KAT6B: variants seen among roughly 807,000 people sequenced by gnomAD.
KAT6B encodes lysine acetyltransferase 6B.
In KAT6B, 10 loss-of-function variants were observed where a neutral mutation model predicts 187.5. That is an observed-to-expected ratio of 0.05 (90% CI 0.03 to 0.09). KAT6B has a LOEUF of 0.09. Ranked by LOEUF, KAT6B falls within the 10% of genes least tolerant of loss-of-function variation. KAT6B has a pLI of 1.00. For missense variants in KAT6B, 1,952 were observed against 2,558.9 expected (o/e 0.76, Z 5.12); for synonymous variants, 861 against 926.8 (o/e 0.93, Z 1.29).
chr10:74,829,515 C>T (rs554462886), intron 1 of KAT6B, among the ~76,000 whole-genome samples: 17 of 151,404 alleles, frequency 1.1e-4, no homozygotes, highest in African/African-American at 3.2e-4. Context: ...TGCAGTGGCA[C>T]GATCTCGGCT....
chr10:75,019,834 C>T (rs1047475537), intron 13 of KAT6B, among the ~76,000 whole-genome samples: 2 of 149,594 alleles, frequency 1.3e-5, no homozygotes, highest in Non-Finnish European at 3.0e-5. Flanking sequence ...CTGTAAAATG[C>T]GTTCAAAAGC....
chr10:74,909,177 C>T (rs1332123130), intron 3 of KAT6B, among the ~76,000 whole-genome samples: 1 of 152,216 alleles, frequency 6.6e-6, no homozygotes, highest in Non-Finnish European at 1.5e-5. Context: ...TCGAGACTAG[C>T]CTTGCCACAA....
intron 13 of KAT6B, among the ~76,000 whole-genome samples, chr10:75,007,253 T>C (rs1394893695): frequency 6.6e-6 from 1 of 152,054 alleles, no homozygotes; most frequent in African/African-American, 2.4e-5. Context: ...GGAACCCAAG[T>C]CTAATCAATC....
At chr10:74,855,287 G>A (rs1842746617) in intron 3 of KAT6B, among the ~76,000 whole-genome samples, 1 of 152,200 alleles carries the variant, frequency 6.6e-6, no homozygotes, top group African/African-American at 2.4e-5. Flanking sequence ...AGAGCCAGAG[G>A]CAGAGCTTGA....
At chr10:74,895,290 G>A (rs777056687) in intron 3 of KAT6B, among the ~76,000 whole-genome samples, 1 of 151,718 alleles carries the variant, frequency 6.6e-6, no homozygotes, top group Non-Finnish European at 1.5e-5. Flanking sequence ...GGGTATTAAT[G>A]CCTTATCAGA....
At chr10:74,853,213 C>T (rs1842596995) in intron 3 of KAT6B, among the ~76,000 whole-genome samples, 1 of 148,308 alleles carries the variant, frequency 6.7e-6, no homozygotes, top group Non-Finnish European at 1.5e-5. Context: ...CTCCCGGGCT[C>T]AAGTGATCCT....
intron 3 of KAT6B, among the ~76,000 whole-genome samples, chr10:74,937,364 T>TA (rs1849343945): frequency 6.6e-6 from 1 of 152,214 alleles, no homozygotes. Flanking sequence ...ATCATCATAA[T>TA]AGTCTCTGAA....
chr10:75,027,831 A>G (rs945628404), intron 17 of KAT6B, among the ~76,000 whole-genome samples: 6 of 152,174 alleles, frequency 3.9e-5, no homozygotes, highest in African/African-American at 1.4e-4. Flanking sequence ...AATGTTCAGG[A>G]ATTTGCTAGT....
intron 13 of KAT6B, among the ~76,000 whole-genome samples, chr10:75,018,893 C>T (rs1845183889): frequency 6.6e-6 from 1 of 152,146 alleles, no homozygotes; most frequent in South Asian, 2.1e-4. Flanking sequence ...CCCAGGAGTA[C>T]AAAGCTGGGA....
chr10:74,970,684 T>A (rs1841789703), intron 6 of KAT6B, among the ~76,000 whole-genome samples: 1 of 152,208 alleles, frequency 6.6e-6, no homozygotes, highest in African/African-American at 2.4e-5. Context: ...AAAATAACTT[T>A]GCCTTTTTAT....
intron 3 of KAT6B, among the ~76,000 whole-genome samples, chr10:74,890,040 A>G (rs962102852): frequency 2.8e-5 from 4 of 144,112 alleles, no homozygotes; most frequent in South Asian, 2.2e-4. Context: ...TGGACATGTA[A>G]TTTTTTTTTT....
At chr10:74,912,827 C>T (rs1288625143) in intron 3 of KAT6B, among the ~76,000 whole-genome samples, 6 of 152,106 alleles carry the variant, frequency 3.9e-5, no homozygotes, top group Non-Finnish European at 7.4e-5. Flanking sequence ...AGTGTTGTAC[C>T]TGGTGTCCGT....
At chr10:74,830,785 T>A (rs1332121433) in intron 1 of KAT6B, among the ~76,000 whole-genome samples, 3 of 79,388 alleles carry the variant, frequency 3.8e-5, no homozygotes, top group Admixed American at 2.6e-4. Flanking sequence ...TTTTTTTTTT[T>A]TTTTTTTTTT....
At chr10:74,856,836 G>A (rs925231638) in intron 3 of KAT6B, among the ~76,000 whole-genome samples, 9 of 152,278 alleles carry the variant, frequency 5.9e-5, no homozygotes, top group African/African-American at 9.6e-5. Flanking sequence ...AGGAGATGGA[G>A]GTTGCAGTAA....
chr10:74,833,944 T>A (rs1418989226), intron 1 of KAT6B, among the ~76,000 whole-genome samples: 1 of 152,378 alleles, frequency 6.6e-6, no homozygotes, highest in East Asian at 1.9e-4. Flanking sequence ...TGAGTTAGGC[T>A]CATAAATATA....
intron 13 of KAT6B, among the ~76,000 whole-genome samples, chr10:75,007,199 T>C (rs1013973053): frequency 6.6e-6 from 1 of 152,240 alleles, no homozygotes; most frequent in South Asian, 2.1e-4. Flanking sequence ...AACCAGAAAT[T>C]ATCTATCTTC....
At chr10:74,931,586 T>C (rs1027482505) in intron 3 of KAT6B, among the ~76,000 whole-genome samples, 3 of 152,244 alleles carry the variant, frequency 2.0e-5, no homozygotes, top group African/African-American at 7.2e-5. Context: ...TGAACTTACA[T>C]TAGAAAATAA....
chr10:74,833,665 T>C (rs1333355249), intron 1 of KAT6B, among the ~76,000 whole-genome samples: 2 of 152,206 alleles, frequency 1.3e-5, no homozygotes, highest in Admixed American at 1.3e-4. Context: ...ACAATTATAG[T>C]TTAATGACAT....
At position 75,031,279 on chromosome 10, in the gene KAT6B, T is replaced by A; in HGVS notation, c.*233T>A. 1 of 533,248 alleles carries A rather than the reference T, an allele frequency of 1.9e-6. No homozygotes were observed. The highest frequency in any genetic ancestry group is 3.3e-5 in the East Asian group (1 of 30,398). 33.0% of individuals were successfully genotyped at this position (533,248 alleles called of 1,614,324 possible). ...TACCTTCATTTCTGTTACTTTTATATAAAATTCTCTGCAAAGGAAGGCCTC... is the reference window on the plus strand; with the variant it reads ...TACCTTCATTTCTGTTACTTTTATAAAAAATTCTCTGCAAAGGAAGGCCTC... On this transcript the variant is annotated 3_prime_UTR_variant, in exon 18 of 18. Coordinates refer to ENST00000287239, the MANE Select transcript of KAT6B (RefSeq NM_012330.4).
Sources: allele counts gnomAD v4.1 joint callset (sites outside exome capture counted in the v4.1 genomes callset), GRCh38; gene constraint gnomAD v4.1.1; transcripts MANE v1.5; gene names NCBI Gene and HGNC (gene_info 2026-07-23, HGNC 2026-07-21).